The following TLL2 variants were observed in gnomAD, a reference collection of about 807,000 sequenced individuals.
TLL2 encodes tolloid like 2.
TLL2 carries 106 observed loss-of-function variants against 123.0 expected under a neutral mutation model. The observed-to-expected ratio is 0.86, with a 90% CI of 0.74 to 1.01. TLL2 has a LOEUF of 1.01. TLL2 is among the 50% of genes least tolerant of loss of function. The probability of loss-of-function intolerance (pLI) is 0.00; values close to 1 mark genes in which losing one functional copy is unlikely to be tolerated. For missense variants in TLL2, 1,332 were observed against 1,336.7 expected (o/e 1.00, Z 0.06); for synonymous variants, 494 against 516.8 (o/e 0.96, Z 0.60).
intron 1 of TLL2, 151 bp from the exon 2 acceptor site, chr10:96,480,610 G>A (rs1342288004): frequency 1.4e-5 from 9 of 652,810 alleles, no homozygotes; most frequent in Non-Finnish European, 2.2e-5. Context: ...AAGAGATAGG[G>A]CTGGTGGAGG....
At chr10:96,496,090 T>C (rs1399864359) in intron 1 of TLL2, among the ~76,000 whole-genome samples, 2 of 152,188 alleles carry the variant, frequency 1.3e-5, no homozygotes, top group African/African-American at 4.8e-5. Context: ...AGAAGCCATG[T>C]CTGGGACTCC....
At chr10:96,507,136 T>C (rs1847586714) in intron 1 of TLL2, among the ~76,000 whole-genome samples, 1 of 151,994 alleles carries the variant, frequency 6.6e-6, no homozygotes, top group Admixed American at 6.6e-5. Flanking sequence ...TCCCAGACTC[T>C]GGCACCCCAG....
At chr10:96,485,666 C>G (rs1847348715) in intron 1 of TLL2, among the ~76,000 whole-genome samples, 1 of 152,138 alleles carries the variant, frequency 6.6e-6, no homozygotes, top group Non-Finnish European at 1.5e-5. Flanking sequence ...CAATAACTGT[C>G]TCTCAATTTA....
At chr10:96,447,495 G>A (rs1466825233) in intron 2 of TLL2, among the ~76,000 whole-genome samples, 1 of 152,160 alleles carries the variant, frequency 6.6e-6, no homozygotes, top group African/African-American at 2.4e-5. Context: ...GGGACCTGTC[G>A]TGTTAGGGAA....
At chr10:96,410,265 C>A in intron 9 of TLL2, 94 bp downstream of exon 9, 1 of 878,372 alleles carries the variant, frequency 1.1e-6, no homozygotes, top group Non-Finnish European at 1.8e-6. Flanking sequence ...TATAACCGAA[C>A]AGCTGTTATT....
chr10:96,410,732 G>A (rs939527936), intron 8 of TLL2: 4 of 571,100 alleles, frequency 7.0e-6, no homozygotes, highest in South Asian at 6.2e-5. Context: ...ATGAATCTTA[G>A]CTCTCTGGCC....
intron 1 of TLL2, among the ~76,000 whole-genome samples, chr10:96,483,836 G>C (rs1332013212): frequency 6.6e-6 from 1 of 151,960 alleles, no homozygotes; most frequent in Non-Finnish European, 1.5e-5. Context: ...TTCACCATGT[G>C]ATTTATTTTA....
chr10:96,369,320 A>C (rs1285547999), intron 20 of TLL2, among the ~76,000 whole-genome samples: 1 of 152,240 alleles, frequency 6.6e-6, no homozygotes, highest in Middle Eastern at 3.2e-3. Context: ...GAGAACATTG[A>C]TAATGACCTT....
intron 2 of TLL2, among the ~76,000 whole-genome samples, chr10:96,453,156 T>C (rs1846977698): frequency 6.6e-6 from 1 of 152,158 alleles, no homozygotes; most frequent in South Asian, 2.1e-4. Flanking sequence ...AATCAAAATC[T>C]TTTAAAACAG....
chr10:96,433,029 G>GT, intron 3 of TLL2, 67 bp from the exon 4 acceptor site: 1 of 1,564,376 alleles, frequency 6.4e-7, no homozygotes, highest in South Asian at 1.2e-5. Flanking sequence ...GGCTGAGGTT[G>GT]TATTATCCAC....
Position 96,387,053 on chromosome 10 carries a change from A to G in TLL2, c.1752T>C (p.Asp584=), listed in dbSNP as rs1846242514. Reference sequence around the variant, plus strand: ...CACAGCGATGCTCGCACCCGCCGTGATCTGGCCAGGAACACTCATCCACCT... The same window carrying G: ...CACAGCGATGCTCGCACCCGCCGTGGTCTGGCCAGGAACACTCATCCACCT... ...FKEVDECSWP[D]HGGCEHRCVN... is the part of the protein sequence containing the mutation. The change falls in exon 14 of 21, where the codon GAT becomes GAC. Residue 584 remains aspartate (D), a synonymous_variant. Coordinates refer to ENST00000357947, the MANE Select transcript of TLL2 (RefSeq NM_012465.4). 1 of 1,614,102 alleles carries G rather than the reference A, an allele frequency of 6.2e-7. No individual in the cohort carries two copies. The highest frequency in any genetic ancestry group is 8.5e-7 in the Non-Finnish European group (1 of 1,179,982).
chr10:96,377,029 C>T (rs1846144829), intron 17 of TLL2, among the ~76,000 whole-genome samples: 1 of 152,148 alleles, frequency 6.6e-6, no homozygotes, highest in Non-Finnish European at 1.5e-5. Flanking sequence ...GACTGTGGCT[C>T]GGGGGCCAGG....
intron 19 of TLL2, among the ~76,000 whole-genome samples, chr10:96,372,631 A>G (rs1309293933): frequency 6.6e-6 from 1 of 152,236 alleles, no homozygotes; most frequent in Non-Finnish European, 1.5e-5. Flanking sequence ...CACGGGGAAC[A>G]GAAACATTTT....
chr10:96,383,862 A>G (rs1723762099), intron 16 of TLL2, among the ~76,000 whole-genome samples: 1 of 147,940 alleles, frequency 6.8e-6, no homozygotes, highest in Admixed American at 6.7e-5. Context: ...AGAACTCCTG[A>G]CCTAGTGATC....
chr10:96,436,099 A>G (rs1425643860), intron 3 of TLL2, among the ~76,000 whole-genome samples: 1 of 152,242 alleles, frequency 6.6e-6, no homozygotes, highest in Non-Finnish European at 1.5e-5. Flanking sequence ...AAGGCCATAT[A>G]GTAAATATTT....
chr10:96,487,427 T>C (rs1472541730), intron 1 of TLL2, among the ~76,000 whole-genome samples: 2 of 152,150 alleles, frequency 1.3e-5, no homozygotes, highest in Non-Finnish European at 2.9e-5. Flanking sequence ...CCTTTCTCTG[T>C]ATTCCTTTAG....
chr10:96,456,051 G>A (rs1359848218), intron 2 of TLL2, among the ~76,000 whole-genome samples: 1 of 152,210 alleles, frequency 6.6e-6, no homozygotes, highest in African/African-American at 2.4e-5. Context: ...GTCCTGTGAG[G>A]TAGAGTCTAT....
chr10:96,405,198 AC>A, intron 10 of TLL2, 33 bp downstream of exon 10: 1 of 1,587,928 alleles, frequency 6.3e-7, no homozygotes, highest in Non-Finnish European at 8.6e-7. Context: ...ACATCCCATC[AC>A]TCCTCTCTTA....
Position 96,379,038 on chromosome 10 carries a change from G to T in TLL2, c.2249C>A (p.Thr750Asn). 4 of 1,614,160 alleles carry T rather than the reference G, an allele frequency of 2.5e-6. No homozygotes were observed. The highest frequency in any genetic ancestry group is 3.4e-6 in the Non-Finnish European group (4 of 1,180,026). ...NGGCQHECVN[T>N]FGSYLCRCRN... ...GCACCTGCACAGGTAGCTCCCGAAG[G>T]TGTTGACGCACTCATGCTGACACCC... Residue 750 changes from threonine (T) to asparagine (N), a missense_variant, in exon 17 of 21, where the codon ACC becomes AAC. By Grantham distance (65) the Thr-to-Asn change is moderately conservative. Coordinates refer to ENST00000357947, the MANE Select transcript of TLL2 (RefSeq NM_012465.4).
Sources: allele counts gnomAD v4.1 joint callset (sites outside exome capture counted in the v4.1 genomes callset), GRCh38; gene constraint gnomAD v4.1.1; transcripts MANE v1.5; gene names NCBI Gene and HGNC (gene_info 2026-07-23, HGNC 2026-07-21).